The following PCDHA7 variants were observed in gnomAD, a reference collection of about 807,000 sequenced individuals.
PCDHA7 encodes protocadherin alpha-7.
A neutral mutation model predicts 57.2 loss-of-function variants in PCDHA7; 37 were observed. The observed-to-expected ratio is 0.65, with a 90% CI of 0.50 to 0.85. PCDHA7 has a LOEUF of 0.85. Among genes scored for constraint, PCDHA7 ranks in the 40% least tolerant of loss-of-function variants. PCDHA7 has a pLI of 0.00. For synonymous variants in PCDHA7, 553 were observed against 558.8 expected, an observed-to-expected ratio of 0.99 and a Z score of 0.15; for missense variants, 1,188 against 1,241.8, an observed-to-expected ratio of 0.96 and a Z score of 0.65.
Position 140,871,256 on chromosome 5 carries a change from C to T in PCDHA7, c.2355+34518C>T, listed in dbSNP as rs781990448. ...CTGGTACTCACGCTGCTGCTGTATA[C>T]GGCGCTGTGGTGGTCGGCAACGCCC... On this transcript the variant is annotated intron_variant, in intron 1 of 3. Coordinates refer to ENST00000525929, the MANE Select transcript of PCDHA7 (RefSeq NM_018910.3). The T allele has an allele frequency of 4.3e-6, 7 of 1,613,866 alleles. No individual in the cohort carries two copies. Among genetic ancestry groups the T allele is most frequent in the East Asian group, 2.2e-5 (1 of 44,888 alleles).
intron 3 of PCDHA7, among the ~76,000 whole-genome samples, chr5:140,992,500 A>C (rs1205902091): frequency 6.6e-6 from 1 of 152,222 alleles, no homozygotes; most frequent in Non-Finnish European, 1.5e-5. Context: ...GTAAGGATTC[A>C]ATCCTGGGGC....
Position 140,850,429 on chromosome 5 carries a change from A to T in PCDHA7, c.2355+13691A>T. The T allele has an allele frequency of 1.3e-6, 2 of 1,597,934 alleles. 1 individual carries two copies. Among genetic ancestry groups the T allele is most frequent in the Middle Eastern group, 3.3e-4 (2 of 5,994 alleles). ...CTGGACGAAACGGACGCACCGCGCC[A>T]GCGCCTACTGGTGCTGGTGAAAGAC... On this transcript the variant is annotated intron_variant, in intron 1 of 3. Coordinates refer to ENST00000525929, the MANE Select transcript of PCDHA7 (RefSeq NM_018910.3).
At chr5:140,987,232 A>G (rs1554248942) in intron 3 of PCDHA7, among the ~76,000 whole-genome samples, 1 of 151,894 alleles carries the variant, frequency 6.6e-6, no homozygotes, top group African/African-American at 2.4e-5. Flanking sequence ...AAAAAATAAT[A>G]AATAAAGAAA....
At chr5:140,875,868 G>A (rs781927681) in intron 1 of PCDHA7, 3 of 1,614,210 alleles carry the variant, frequency 1.9e-6, no homozygotes, top group Non-Finnish European at 8.5e-7. Context: ...ACCCGCCGGT[G>A]TTCAGAGAAA....
At chr5:140,877,332 C>G (rs2057040352) in intron 1 of PCDHA7, 16 of 1,613,990 alleles carry the variant, frequency 9.9e-6, no homozygotes, top group Non-Finnish European at 1.4e-5. Flanking sequence ...GCGCGCACAT[C>G]CCGTTCCACG....
intron 1 of PCDHA7, among the ~76,000 whole-genome samples, chr5:140,963,886 T>C (rs1211703076): frequency 6.6e-6 from 1 of 152,236 alleles, no homozygotes; most frequent in African/African-American, 2.4e-5. Flanking sequence ...TTGTTTTCCT[T>C]AATTAAAATG....
Position 140,838,427 on chromosome 5 carries a change from A to T in PCDHA7, c.2355+1689A>T, listed in dbSNP as rs1775725974. The stretch of plus-strand genomic sequence containing the variant: ...GAGTGAGCCACCGCATCCGGCCTAA[A>T]TTATATATTGGGTTTTGTGGCATAT... On this transcript the variant is annotated intron_variant, in intron 1 of 3. Coordinates refer to ENST00000525929, the MANE Select transcript of PCDHA7 (RefSeq NM_018910.3). Among the ~76,000 whole-genome samples the T allele has an allele frequency of 2.0e-5, 3 of 151,540 alleles. No individual in the cohort carries two copies. The South Asian group carries it at 6.2e-4, about 32-fold the overall frequency.
At chr5:140,967,428 C>T (rs782709354) in intron 1 of PCDHA7, 2 of 1,613,402 alleles carry the variant, frequency 1.2e-6, no homozygotes, top group East Asian at 4.5e-5. Context: ...GAGCAGGCAG[C>T]CTTGCACCAC....
intron 1 of PCDHA7, chr5:140,858,086 C>T (rs1554151138): frequency 6.3e-7 from 1 of 1,597,802 alleles, no homozygotes; most frequent in Admixed American, 1.7e-5. Flanking sequence ...GGCCTCGTCG[C>T]GGGCTTCAGT....
rs1554202548 is a variant in PCDHA7, at chr5:140,925,108, G to GGAA, written c.2356-53840_2356-53839insAAG. 5.0e-3 allele frequency among the ~76,000 whole-genome samples: 619 copies of GGAA among 124,770 alleles called. 3 individuals are homozygous for GGAA. Among genetic ancestry groups the GGAA allele is most frequent in the African/African-American group, 0.02 (595 of 30,200 alleles). The allele number at this position is 124,770 out of a possible 152,430, so 81.9% of individuals were successfully genotyped here. ...AAGGAAGGAAGGAAGGAAGGAAGGA[G>GGAA]GGAAGGAAGGAAGGAAAAAAAATTT... is the stretch of plus-strand genomic sequence containing the variant. On this transcript the variant is annotated intron_variant, in intron 1 of 3. Coordinates refer to ENST00000525929, the MANE Select transcript of PCDHA7 (RefSeq NM_018910.3).
chr5:140,973,209 C>T (rs1273068326), intron 1 of PCDHA7, among the ~76,000 whole-genome samples: 4 of 152,100 alleles, frequency 2.6e-5, no homozygotes, highest in Non-Finnish European at 4.4e-5. Flanking sequence ...GCATATTCAC[C>T]CTAATTCCAG....
intron 1 of PCDHA7, among the ~76,000 whole-genome samples, chr5:140,973,724 G>T (rs1272606867): frequency 6.6e-6 from 1 of 152,176 alleles, no homozygotes; most frequent in Non-Finnish European, 1.5e-5. Context: ...CATCACATGG[G>T]CATCTGGTCT....
chr5:140,856,566 C>A, intron 1 of PCDHA7: 2 of 1,597,240 alleles, frequency 1.3e-6, no homozygotes, highest in Non-Finnish European at 1.7e-6. Flanking sequence ...AAACTCAGTC[C>A]AAATGAGTAT....
At chr5:140,857,993 C>G (rs782150278) in intron 1 of PCDHA7, 1 of 1,597,064 alleles carries the variant, frequency 6.3e-7, no homozygotes. Flanking sequence ...CCTACTGGTG[C>G]TGGTGAAGGA....
intron 1 of PCDHA7, chr5:140,867,901 G>A (rs1554161610): frequency 1.3e-5 from 2 of 152,058 alleles, no homozygotes; most frequent in African/African-American, 4.8e-5. Flanking sequence ...GGTACTTACA[G>A]AAGGTATAAT....
chr5:140,904,857 T>G (rs1223482596), intron 1 of PCDHA7, among the ~76,000 whole-genome samples: 1 of 152,190 alleles, frequency 6.6e-6, no homozygotes, highest in Non-Finnish European at 1.5e-5. Context: ...CTGAGAATTG[T>G]CTGTTTATGT....
chr5:140,843,577 A>G, intron 1 of PCDHA7: 1 of 1,595,954 alleles, frequency 6.3e-7, no homozygotes, highest in East Asian at 2.2e-5. Context: ...CATACTCGCA[A>G]CAACAGCCGC....
chr5:140,875,033 T>G (rs1377177254), intron 1 of PCDHA7, among the ~76,000 whole-genome samples: 1 of 152,236 alleles, frequency 6.6e-6, no homozygotes, highest in Non-Finnish European at 1.5e-5. Context: ...CTACTGTATT[T>G]GAAAGATTTC....
At chr5:140,857,771 GCAGT>G in intron 1 of PCDHA7, 1 of 1,597,658 alleles carries the variant, frequency 6.3e-7, no homozygotes, top group Non-Finnish European at 8.6e-7. Context: ...CGCGGGCGGT[GCAGT>G]CAGTGAGCTG....
Sources: allele counts gnomAD v4.1 joint callset (sites outside exome capture counted in the v4.1 genomes callset), GRCh38; gene constraint gnomAD v4.1.1; transcripts MANE v1.5; gene names NCBI Gene and HGNC (gene_info 2026-07-23, HGNC 2026-07-21).